Variants in SIRPG observed in about 807,000 individuals in gnomAD.
The protein encoded by SIRPG is signal regulatory protein gamma.
In SIRPG, 38 loss-of-function variants were observed where a neutral mutation model predicts 35.7. The observed-to-expected ratio is 1.06, with a 90% CI of 0.82 to 1.40. SIRPG has a LOEUF of 1.40. Among genes scored for constraint, SIRPG ranks in the 40% most tolerant of loss-of-function variants. SIRPG has a pLI of 0.00. For missense variants in SIRPG, 519 were observed against 483.0 expected (o/e 1.07, Z -0.70); for synonymous variants, 215 against 190.4 (o/e 1.13, Z -1.06).
chr20:1,663,516 A>G, the SIRPG span, among the ~76,000 whole-genome samples: 14 of 152,164 alleles, frequency 9.2e-5, no homozygotes, highest in Admixed American at 2.0e-4. Context: ...AACTTTAAGG[A>G]ATTTTGCAAT....
chr20:1,643,929 A>G (rs1186527133), intron 2 of SIRPG, among the ~76,000 whole-genome samples: 3 of 152,106 alleles, frequency 2.0e-5, no homozygotes, highest in South Asian at 4.1e-4. Flanking sequence ...AACGGCAAAG[A>G]TGGGTGCCTG....
upstream of SIRPG, among the ~76,000 whole-genome samples, chr20:1,660,244 G>A (rs1282598220): frequency 6.6e-6 from 1 of 152,034 alleles, no homozygotes; most frequent in African/African-American, 2.4e-5. Context: ...AACTTAATAG[G>A]TTGACTAGCT....
At chr20:1,631,869 A>G (rs2091753414) in intron 4 of SIRPG, among the ~76,000 whole-genome samples, 1 of 152,162 alleles carries the variant, frequency 6.6e-6, no homozygotes, top group African/African-American at 2.4e-5. Context: ...ATCACTGGGC[A>G]TATTTTTTTT....
In SIRPG at chr20:1,635,310, C is replaced by A; in HGVS notation, c.1038G>T (p.Glu346Asp). 6.2e-7 allele frequency: 1 copy of A among 1,614,128 alleles called. No homozygotes were observed. Among genetic ancestry groups the A allele is most frequent in the East Asian group, 2.2e-5 (1 of 44,876 alleles). Reference protein sequence around the residue: ...QLAVSKRLALEVTVHQKDQSS... With the variant: ...QLAVSKRLALDVTVHQKDQSS... ...TCTGGTCCTTCTGGTGGACTGTGAC[C>A]TCTAGGGCAAGGCGTTTGCTGACCG... The change falls in exon 4 of 6, where the codon GAG (glutamate) becomes GAT (aspartate). Residue 346 changes from glutamate (E) to aspartate (D), a missense_variant. Coordinates refer to ENST00000303415, the MANE Select transcript of SIRPG (RefSeq NM_018556.4).
At chr20:1,637,568 A>T (rs1211606730) in intron 2 of SIRPG, 1 of 153,118 alleles carries the variant, frequency 6.5e-6, no homozygotes, top group East Asian at 1.9e-4. Context: ...TTTATTTCCC[A>T]GATAAATGCT....
chr20:1,684,698 C>T, the SIRPG span, among the ~76,000 whole-genome samples: 1 of 152,152 alleles, frequency 6.6e-6, no homozygotes, highest in Non-Finnish European at 1.5e-5. Context: ...CATAACATGG[C>T]TAAAAGAATG....
chr20:1,668,116 CCTTT>C, the SIRPG span, among the ~76,000 whole-genome samples: 23 of 151,486 alleles, frequency 1.5e-4, 1 homozygote, highest in South Asian at 2.7e-3. Flanking sequence ...TCACAGGAGC[CCTTT>C]CTTTCTTTTT....
At chr20:1,664,421 TA>T in the SIRPG span, among the ~76,000 whole-genome samples, 1,266 of 152,204 alleles carry the variant, frequency 8.3e-3, 19 homozygotes, top group African/African-American at 0.029. Flanking sequence ...GAAGACAGAA[TA>T]AGTACGGAAA....
the SIRPG span, among the ~76,000 whole-genome samples, chr20:1,682,846 A>T: frequency 6.6e-6 from 1 of 152,218 alleles, no homozygotes; most frequent in Non-Finnish European, 1.5e-5. Context: ...GCAAAAATAG[A>T]CAAATTGAAT....
chr20:1,629,155 A>C lies in SIRPG; in HGVS notation c.*484T>G, dbSNP rs1366655104. 6.6e-6 allele frequency: 1 copy of C among 152,172 alleles called. No homozygotes were observed. The highest frequency in any genetic ancestry group is 1.5e-5 in the Non-Finnish European group (1 of 68,048). The allele number at this position is 152,172 out of a possible 1,614,324, so 9.4% of individuals were successfully genotyped here. A position where few individuals can be genotyped will look rare whatever the true frequency, so the allele number is the denominator to read the frequency against. ...GAGTAGGACCCTTAGACAAAGAGGA[A>C]GGATAATCTTTTTATTTTCTTAAAA... On this transcript the variant is annotated 3_prime_UTR_variant, in exon 6 of 6. Transcript: ENST00000303415.
At chr20:1,630,465 G>A (rs1369688707) in intron 4 of SIRPG, 159 bp from the exon 5 acceptor site, 3 of 598,638 alleles carry the variant, frequency 5.0e-6, no homozygotes, top group African/African-American at 3.8e-5. Flanking sequence ...CAAGGCAGAA[G>A]CCACAGAAAG....
At chr20:1,655,121 G>T (rs187863060) in intron 1 of SIRPG, among the ~76,000 whole-genome samples, 1 of 152,136 alleles carries the variant, frequency 6.6e-6, no homozygotes, top group Non-Finnish European at 1.5e-5. Context: ...CAGTATGCAG[G>T]TTCCTCAAGA....
intron 5 of SIRPG, 42 bp downstream of exon 5, chr20:1,630,180 T>C (rs375856092): frequency 4.7e-6 from 7 of 1,475,902 alleles, no homozygotes; most frequent in Non-Finnish European, 6.5e-6. Flanking sequence ...GCCTTGCCCT[T>C]CTGAGACAGC....
the SIRPG span, among the ~76,000 whole-genome samples, chr20:1,680,129 C>T: frequency 1.1e-4 from 16 of 152,318 alleles, no homozygotes; most frequent in South Asian, 1.7e-3. Context: ...GAAAACAATA[C>T]TCTTGTTAGT....
upstream of SIRPG, among the ~76,000 whole-genome samples, chr20:1,661,609 C>G (rs550817294): frequency 2.6e-4 from 39 of 152,266 alleles, no homozygotes; most frequent in African/African-American, 9.1e-4. Context: ...CAGACTGTCT[C>G]ATGGAGAGAA....
At chr20:1,675,608 G>C in the SIRPG span, among the ~76,000 whole-genome samples, 1 of 152,120 alleles carries the variant, frequency 6.6e-6, no homozygotes. Flanking sequence ...TCCCTGACCT[G>C]CTCACCACTC....
chr20:1,671,703 T>C, the SIRPG span, among the ~76,000 whole-genome samples: 1 of 152,216 alleles, frequency 6.6e-6, no homozygotes, highest in South Asian at 2.1e-4. Flanking sequence ...ATTTTTTCTA[T>C]AGATTATAGA....
the SIRPG span, among the ~76,000 whole-genome samples, chr20:1,685,570 G>C: frequency 0.011 from 1,665 of 152,276 alleles, 9 homozygotes; most frequent in Non-Finnish European, 0.017. Flanking sequence ...GTGCAAGGAA[G>C]TAAATGTCTG....
intron 1 of SIRPG, among the ~76,000 whole-genome samples, chr20:1,652,429 G>A (rs981515479): frequency 6.6e-6 from 1 of 152,194 alleles, no homozygotes; most frequent in African/African-American, 2.4e-5. Context: ...TACTGGATTT[G>A]TTGATGCAAC....
Sources: gnomAD v4.1 joint callset for allele counts (sites outside exome capture counted in the v4.1 genomes callset) on GRCh38, gnomAD v4.1.1 for gene constraint, MANE v1.5 for transcripts, NCBI Gene and HGNC (gene_info 2026-07-23, HGNC 2026-07-21) for gene names.